The following PTPN3 variants were observed in gnomAD, a reference collection of about 807,000 sequenced individuals.
PTPN3 encodes the protein protein tyrosine phosphatase non-receptor type 3.
In PTPN3, 96 loss-of-function variants were observed where a neutral mutation model predicts 132.7. That is an observed-to-expected ratio of 0.72 (90% CI 0.61 to 0.86). PTPN3 has a LOEUF of 0.86. Among genes scored for constraint, PTPN3 ranks in the 40% least tolerant of loss-of-function variants. PTPN3 has a pLI of 0.00. For synonymous variants in PTPN3, 398 were observed against 429.0 expected (o/e 0.93, Z 0.89); for missense variants, 1,125 against 1,159.6 (o/e 0.97, Z 0.43).
chr9:109,503,598 A>G, the PTPN3 span, among the ~76,000 whole-genome samples: 7 of 152,200 alleles, frequency 4.6e-5, no homozygotes, highest in Non-Finnish European at 7.4e-5. Context: ...AATCCCAGCC[A>G]CTTGGGAGGC....
chr9:109,521,519 C>T, the PTPN3 span, among the ~76,000 whole-genome samples: 1 of 152,138 alleles, frequency 6.6e-6, no homozygotes, highest in Admixed American at 6.5e-5. Context: ...GCAACATGTC[C>T]CACTTCCTTT....
intron 1 of PTPN3, among the ~76,000 whole-genome samples, chr9:109,471,636 G>C (rs1846386888): frequency 6.6e-6 from 1 of 150,554 alleles, no homozygotes; most frequent in Non-Finnish European, 1.5e-5. Flanking sequence ...TCCAAATCAG[G>C]ATCATGCCTG....
chr9:109,421,609 C>T (rs891348359), intron 13 of PTPN3, among the ~76,000 whole-genome samples: 1 of 152,196 alleles, frequency 6.6e-6, no homozygotes, highest in Non-Finnish European at 1.5e-5. Flanking sequence ...GCATTGCTGC[C>T]GATGAGATTT....
rs1838564778 is a variant in PTPN3 at position 109,376,413 on chromosome 9, C to T, written c.*3143G>A. On this transcript the variant is annotated 3_prime_UTR_variant, in exon 26 of 26. Transcript: ENST00000374541. The stretch of plus-strand genomic sequence containing the variant: ...CAACACAGCAGCAATAGTATCCACA[C>T]TAATCTAAAAGCATATTTAAATATG... The T allele has an allele frequency of 6.6e-6, 1 of 152,156 alleles. No homozygotes were observed. The highest frequency in any genetic ancestry group is 2.1e-4 in the South Asian group (1 of 4,826). 9.4% of individuals were successfully genotyped at this position (152,156 alleles called of 1,614,324 possible).
the PTPN3 span, among the ~76,000 whole-genome samples, chr9:109,516,664 A>C: frequency 6.6e-6 from 1 of 152,166 alleles, no homozygotes; most frequent in Non-Finnish European, 1.5e-5. Flanking sequence ...AGATTGTAAG[A>C]AGGGGAGTAA....
At chr9:109,441,664 A>C (rs1214687447) in intron 7 of PTPN3, among the ~76,000 whole-genome samples, 1 of 152,176 alleles carries the variant, frequency 6.6e-6, no homozygotes, top group Non-Finnish European at 1.5e-5. Context: ...AATATACTTT[A>C]TTCTTTGAGC....
chr9:109,436,424 G>A (rs1446178772), intron 9 of PTPN3, among the ~76,000 whole-genome samples: 3 of 152,086 alleles, frequency 2.0e-5, no homozygotes, highest in Non-Finnish European at 4.4e-5. Context: ...TACTAAAGTA[G>A]CCACAACTAA....
intron 17 of PTPN3, 75 bp downstream of exon 17, chr9:109,408,246 C>T: frequency 8.1e-7 from 1 of 1,238,126 alleles, no homozygotes; most frequent in Non-Finnish European, 1.1e-6. Context: ...AGAAACAGGA[C>T]TCAGAAACAG....
At chr9:109,469,344 C>T (rs982923612) in intron 1 of PTPN3, among the ~76,000 whole-genome samples, 17 of 152,188 alleles carry the variant, frequency 1.1e-4, no homozygotes, top group African/African-American at 4.1e-4. Flanking sequence ...AAGAGGCCGG[C>T]GCAGTGGCTC....
Position 109,438,190 on chromosome 9 carries a change from G to C in PTPN3, c.511C>G (p.Leu171Val). 6.2e-7 allele frequency: 1 copy of C among 1,613,370 alleles called. No homozygotes were observed. Among genetic ancestry groups the C allele is most frequent in the Non-Finnish European group, 8.5e-7 (1 of 1,179,350 alleles). ...YNSSIHHPGY[L>V]SDSHFIPDQN... ...TCGGGTATAAAGTGACTATCGGAAA[G>C]ATAGCCTGGATGATGTATGGAAGAA... Residue 171 changes from leucine to valine, a missense_variant, in exon 8 of 26, where the codon CTT becomes GTT. Transcript: ENST00000374541.
At chr9:109,403,514 GA>G (rs1841317438) in intron 19 of PTPN3, among the ~76,000 whole-genome samples, 2 of 151,902 alleles carry the variant, frequency 1.3e-5, no homozygotes. Context: ...TTTATTACAG[GA>G]ATTACTCTGT....
intron 7 of PTPN3, among the ~76,000 whole-genome samples, chr9:109,442,881 A>G (rs948606518): frequency 2.6e-5 from 4 of 152,156 alleles, no homozygotes; most frequent in Admixed American, 1.3e-4. Context: ...GCTCCAGTCC[A>G]GTTCTCAATG....
chr9:109,448,527 G>A (rs1406867677), intron 6 of PTPN3, among the ~76,000 whole-genome samples: 1 of 152,122 alleles, frequency 6.6e-6, no homozygotes, highest in African/African-American at 2.4e-5. Flanking sequence ...TACATTCTGG[G>A]TCCCCTCCTC....
chr9:109,409,695 T>C (rs772317793), intron 16 of PTPN3, among the ~76,000 whole-genome samples: 1 of 152,012 alleles, frequency 6.6e-6, no homozygotes, highest in Non-Finnish European at 1.5e-5. Context: ...TGGTGGTGCA[T>C]CCCTATAGTC....
At chr9:109,490,431 G>A (rs565155221) in intron 1 of PTPN3, among the ~76,000 whole-genome samples, 3 of 152,216 alleles carry the variant, frequency 2.0e-5, no homozygotes, top group East Asian at 3.9e-4. Context: ...TAATTGGCTT[G>A]TACTTTCCAA....
chr9:109,417,205 C>T (rs890534604), intron 14 of PTPN3, among the ~76,000 whole-genome samples: 3 of 152,236 alleles, frequency 2.0e-5, no homozygotes, highest in African/African-American at 7.2e-5. Flanking sequence ...TAATCATAAA[C>T]TTTGCTGTGC....
chr9:109,478,962 TTTTTC>T (rs1356380850), intron 1 of PTPN3, among the ~76,000 whole-genome samples: 5 of 151,990 alleles, frequency 3.3e-5, no homozygotes, highest in African/African-American at 9.7e-5. Flanking sequence ...TGGTCTTTTC[TTTTTC>T]TTTTCTTTTT....
chr9:109,533,486 C>T, the PTPN3 span: 6 of 1,590,818 alleles, frequency 3.8e-6, no homozygotes, highest in South Asian at 1.1e-5. Context: ...TAAGTTGCGG[C>T]GGTACCGACG....
chr9:109,422,582 G>A, intron 13 of PTPN3, 136 bp downstream of exon 13: 1 of 1,016,232 alleles, frequency 9.8e-7, no homozygotes, highest in Non-Finnish European at 1.4e-6. Flanking sequence ...CATGAAAACA[G>A]TTACTTCTGC....
Sources: gnomAD v4.1 joint callset for allele counts (sites outside exome capture counted in the v4.1 genomes callset) on GRCh38, gnomAD v4.1.1 for gene constraint, MANE v1.5 for transcripts, NCBI Gene and HGNC (gene_info 2026-07-23, HGNC 2026-07-21) for gene names.